SLC25A48: variants seen among roughly 807,000 people sequenced by gnomAD.
SLC25A48 encodes the protein solute carrier family 25 member 48.
In SLC25A48, 29 loss-of-function variants were observed where a neutral mutation model predicts 32.2. That is an observed-to-expected ratio of 0.90 (90% CI 0.67 to 1.23). The LOEUF is 1.23. Among genes scored for constraint, SLC25A48 ranks in the 50% most tolerant of loss-of-function variants. The pLI is 0.00. For synonymous variants in SLC25A48, 164 were observed against 172.3 expected (o/e 0.95, Z 0.38); for missense variants, 399 against 422.7 (o/e 0.94, Z 0.49).
At chr5:135,830,453 C>G (rs976960441), upstream of SLC25A48, among the ~76,000 whole-genome samples, 11 of 152,316 alleles carry the variant, frequency 7.2e-5, no homozygotes, top group African/African-American at 2.6e-4. Context: ...GCACTAGGAC[C>G]AGAGCCCAGG....
intron 3 of SLC25A48, among the ~76,000 whole-genome samples, chr5:135,757,496 ATATT>A (rs1027832812): frequency 6.7e-6 from 1 of 149,500 alleles, no homozygotes; most frequent in African/African-American, 2.4e-5. Context: ...CATCTATATG[ATATT>A]TATAATGTCT....
At chr5:135,818,827 A>G (rs557854622) in intron 4 of SLC25A48, among the ~76,000 whole-genome samples, 62 of 152,340 alleles carry the variant, frequency 4.1e-4, no homozygotes, top group African/African-American at 1.5e-3. Flanking sequence ...TGTGAGGTTA[A>G]GAAAAACACA....
intron 7 of SLC25A48, among the ~76,000 whole-genome samples, chr5:135,886,146 GCA>G (rs1337012344): frequency 1.3e-5 from 2 of 152,028 alleles, no homozygotes; most frequent in Non-Finnish European, 2.9e-5. Flanking sequence ...TTTTTTTACA[GCA>G]CACATATATT....
chr5:135,713,660 C>T (rs17168961), intron 3 of SLC25A48, among the ~76,000 whole-genome samples: 8,613 of 152,280 alleles, frequency 0.057, 374 homozygotes, highest in African/African-American at 0.12. Context: ...GAAGTTAGTT[C>T]TTAGGGTGAG....
At chr5:135,864,015 A>G (rs1445223234) in intron 4 of SLC25A48, among the ~76,000 whole-genome samples, 1 of 152,152 alleles carries the variant, frequency 6.6e-6, no homozygotes, top group Non-Finnish European at 1.5e-5. Context: ...CATACTGAAG[A>G]CCATATGGAT....
chr5:135,656,771 G>C (rs528145217), intron 3 of SLC25A48, among the ~76,000 whole-genome samples: 10 of 152,228 alleles, frequency 6.6e-5, no homozygotes, highest in Non-Finnish European at 1.5e-4. Flanking sequence ...GAGATGGGAG[G>C]TATCCATCTG....
At chr5:135,849,798 A>G (rs1229698243) in intron 2 of SLC25A48, among the ~76,000 whole-genome samples, 1 of 152,164 alleles carries the variant, frequency 6.6e-6, no homozygotes, top group African/African-American at 2.4e-5. Context: ...GGGTCTGGGA[A>G]CATGCAACTC....
chr5:135,625,077 G>A (rs1353406586), intron 1 of SLC25A48, among the ~76,000 whole-genome samples: 1 of 152,030 alleles, frequency 6.6e-6, no homozygotes, highest in African/African-American at 2.4e-5. Flanking sequence ...TCAAGACAAG[G>A]GCCATAGCAG....
chr5:135,595,205 C>G (rs1751617836), intron 1 of SLC25A48, among the ~76,000 whole-genome samples: 1 of 152,216 alleles, frequency 6.6e-6, no homozygotes, highest in African/African-American at 2.4e-5. Context: ...GCTCCACTCT[C>G]ATGCAGCCCC....
chr5:135,716,936 T>G (rs1325485507), intron 3 of SLC25A48, among the ~76,000 whole-genome samples: 2 of 152,208 alleles, frequency 1.3e-5, no homozygotes, highest in East Asian at 3.8e-4. Context: ...CCATAAAATT[T>G]TAATACAACA....
rs1208274267 is a variant in SLC25A48 at position 135,844,715 on chromosome 5, G to T, written c.90+2256G>T. On this transcript the variant is annotated intron_variant, in intron 2 of 7. Coordinates refer to ENST00000681962, the MANE Select transcript of SLC25A48 (RefSeq NM_001349336.2). The stretch of plus-strand genomic sequence containing the variant: ...AAGTTTTGCTCAGTTACCACATCAT[G>T]TGACAATGTCCAGCAAGATTTTAAC... Among the ~76,000 whole-genome samples, 4 of 152,210 alleles carry T rather than the reference G, an allele frequency of 2.6e-5. No homozygotes were observed. In the East Asian group the frequency reaches 7.7e-4, roughly 29 times the overall value.
intron 1 of SLC25A48, among the ~76,000 whole-genome samples, chr5:135,626,360 A>G (rs935106955): frequency 3.6e-4 from 55 of 152,228 alleles, no homozygotes; most frequent in Admixed American, 3.6e-3. Context: ...CCTCTGCTTA[A>G]ATGTCAGAGT....
Position 135,635,399 on chromosome 5 carries a change from G to A in SLC25A48, c.-521+443G>A, listed in dbSNP as rs541246333. On this transcript the variant is annotated intron_variant, in intron 3 of 10. Transcript: ENST00000646290. The stretch of plus-strand genomic sequence containing the variant: ...CATAATTAAACAGGTAGAGTGGACA[G>A]ACCTGGGAAGCTGGTAATGATAACA... Among the ~76,000 whole-genome samples, 6 of 152,314 alleles carry A rather than the reference G, an allele frequency of 3.9e-5. No individual in the cohort carries two copies. In the South Asian group the frequency reaches 1.2e-3, roughly 32 times the overall value.
chr5:135,598,870 G>C (rs1468672237), intron 1 of SLC25A48, among the ~76,000 whole-genome samples: 1 of 152,202 alleles, frequency 6.6e-6, no homozygotes, highest in African/African-American at 2.4e-5. Context: ...GAACCAGTCT[G>C]TGGTCGGTGG....
At chr5:135,857,875 T>C (rs1760463383) in intron 4 of SLC25A48, among the ~76,000 whole-genome samples, 1 of 152,028 alleles carries the variant, frequency 6.6e-6, no homozygotes, top group Non-Finnish European at 1.5e-5. Context: ...AGATCTCTCA[T>C]CAGGGAAGTC....
chr5:135,848,635 T>A (rs943227688), intron 2 of SLC25A48, among the ~76,000 whole-genome samples: 1 of 152,232 alleles, frequency 6.6e-6, no homozygotes, highest in Admixed American at 6.5e-5. Flanking sequence ...TTATTGACCA[T>A]CTTTCCTGAC....
intron 3 of SLC25A48, among the ~76,000 whole-genome samples, chr5:135,804,134 T>A (rs1418287895): frequency 6.6e-6 from 1 of 151,552 alleles, no homozygotes; most frequent in Non-Finnish European, 1.5e-5. Flanking sequence ...TATGATATTA[T>A]GAATGATGTC....
intron 4 of SLC25A48, among the ~76,000 whole-genome samples, chr5:135,857,927 C>T (rs891817328): frequency 3.3e-5 from 5 of 152,164 alleles, no homozygotes; most frequent in Non-Finnish European, 2.9e-5. Context: ...CCCTTTACCA[C>T]CTGGCACCTG....
At chr5:135,844,045 A>G (rs190409932) in intron 2 of SLC25A48, among the ~76,000 whole-genome samples, 1 of 152,148 alleles carries the variant, frequency 6.6e-6, no homozygotes, top group Non-Finnish European at 1.5e-5. Context: ...AGGGCTGTCC[A>G]GAGCTAAGCC....
Sources: gnomAD v4.1 joint callset for allele counts (sites outside exome capture counted in the v4.1 genomes callset) on GRCh38, gnomAD v4.1.1 for gene constraint, MANE v1.5 for transcripts, NCBI Gene and HGNC (gene_info 2026-07-23, HGNC 2026-07-21) for gene names.